Variants in SGCZ observed in about 807,000 individuals in gnomAD.
The protein encoded by SGCZ is sarcoglycan zeta, also known as zeta-sarcoglycan.
A neutral mutation model predicts 41.3 loss-of-function variants in SGCZ; 40 were observed. That is an observed-to-expected ratio of 0.97 (90% CI 0.75 to 1.26). The LOEUF (loss-of-function observed/expected upper bound fraction) is 1.26. Ranked by LOEUF, SGCZ falls within the 50% of genes most tolerant of loss-of-function variation. The probability of loss-of-function intolerance (pLI) is 0.00; values close to 1 mark genes in which losing one functional copy is unlikely to be tolerated. For missense variants in SGCZ, 552 were observed against 369.8 expected, an observed-to-expected ratio of 1.49 and a Z score of -4.04; for synonymous variants, 206 against 137.5, an observed-to-expected ratio of 1.50 and a Z score of -3.49.
intron 1 of SGCZ, among the ~76,000 whole-genome samples, chr8:14,806,548 G>C (rs865775951): frequency 6.6e-6 from 1 of 152,162 alleles, no homozygotes; most frequent in Non-Finnish European, 1.5e-5. Context: ...TTGAATCTCT[G>C]AATAGACCAA....
intron 2 of SGCZ, among the ~76,000 whole-genome samples, chr8:14,434,638 G>A (rs904569133): frequency 6.6e-6 from 1 of 152,128 alleles, no homozygotes. Flanking sequence ...CATCTATGAT[G>A]TCTTTCAGCA....
At chr8:15,026,818 C>T (rs1469282621) in intron 1 of SGCZ, among the ~76,000 whole-genome samples, 1 of 152,146 alleles carries the variant, frequency 6.6e-6, no homozygotes, top group Non-Finnish European at 1.5e-5. Context: ...GAAAGCCCAA[C>T]AGTAGATTTC....
At chr8:14,283,464 T>A (rs887180760) in intron 3 of SGCZ, among the ~76,000 whole-genome samples, 1 of 152,234 alleles carries the variant, frequency 6.6e-6, no homozygotes. Flanking sequence ...ATTATCCGTA[T>A]GTGCTCTCGA....
chr8:14,960,397 C>A (rs1800926613), intron 1 of SGCZ, among the ~76,000 whole-genome samples: 2 of 151,998 alleles, frequency 1.3e-5, no homozygotes, highest in Admixed American at 6.6e-5. Context: ...CAAAACAACA[C>A]TTCTGAGAGT....
chr8:14,169,035 C>G (rs1253720076), intron 4 of SGCZ, among the ~76,000 whole-genome samples: 3 of 152,214 alleles, frequency 2.0e-5, no homozygotes, highest in Non-Finnish European at 4.4e-5. Context: ...GTAATGCACT[C>G]TAGAGTTAGG....
intron 1 of SGCZ, among the ~76,000 whole-genome samples, chr8:14,678,447 A>T (rs1380081713): frequency 1.3e-5 from 2 of 152,202 alleles, no homozygotes; most frequent in African/African-American, 2.4e-5. Context: ...GCTCCACATT[A>T]TATATCATCA....
At chr8:14,566,398 C>A (rs1804360827) in intron 1 of SGCZ, among the ~76,000 whole-genome samples, 1 of 148,532 alleles carries the variant, frequency 6.7e-6, no homozygotes, top group South Asian at 2.1e-4. Context: ...GTGGGTAGAT[C>A]TCTCCATCCC....
At chr8:14,321,083 C>T (rs754299199) in intron 3 of SGCZ, among the ~76,000 whole-genome samples, 11 of 152,022 alleles carry the variant, frequency 7.2e-5, no homozygotes, top group Non-Finnish European at 1.6e-4. Flanking sequence ...AAAAGAGATG[C>T]AGAATGTTAT....
At position 14,096,261 on chromosome 8, in the gene SGCZ, T is replaced by G. The variant is rs191271665; in HGVS notation, c.745-5624A>C. 2.0e-5 allele frequency among the ~76,000 whole-genome samples: 3 copies of G among 152,316 alleles called. 1 individual carries two copies. Among genetic ancestry groups the G allele is most frequent in the Non-Finnish European group, 2.9e-5 (2 of 68,036 alleles). The stretch of plus-strand genomic sequence containing the variant: ...GGTTTGCCATAAATTGCTCATATTA[T>G]TTTGAGATACATCCCATCAATATGT... On this transcript the variant is annotated intron_variant, in intron 7 of 7. Coordinates refer to ENST00000382080, the MANE Select transcript of SGCZ (RefSeq NM_139167.4).
At chr8:14,257,752 G>A (rs901812658) in intron 3 of SGCZ, among the ~76,000 whole-genome samples, 4 of 151,748 alleles carry the variant, frequency 2.6e-5, no homozygotes, top group Admixed American at 1.3e-4. Context: ...TTGTCCTTGC[G>A]ATAGTTTGCT....
At chr8:14,242,207 A>G (rs1413618129) in intron 3 of SGCZ, among the ~76,000 whole-genome samples, 3 of 152,230 alleles carry the variant, frequency 2.0e-5, no homozygotes, top group East Asian at 3.8e-4. Flanking sequence ...GTAAGGATTT[A>G]GCTTCAGATG....
rs564833827 is a variant in SGCZ, at chr8:14,454,497, G to A, written c.234+100235C>T. On this transcript the variant is annotated intron_variant, in intron 2 of 7. Coordinates refer to ENST00000382080, the MANE Select transcript of SGCZ (RefSeq NM_139167.4). ...ACATTTAATTCATTTAATGAATTAA[G>A]ACCAATACCAGTAAAATACCAATAA... Among the ~76,000 whole-genome samples the A allele has an allele frequency of 2.0e-5, 3 of 152,072 alleles. No individual in the cohort carries two copies. The East Asian group carries it at 5.8e-4, about 29-fold the overall frequency.
intron 2 of SGCZ, among the ~76,000 whole-genome samples, chr8:14,326,827 T>G (rs1290691411): frequency 1.3e-5 from 2 of 152,134 alleles, no homozygotes; most frequent in African/African-American, 2.4e-5. Flanking sequence ...GATTTAGACA[T>G]TCAATTACAT....
At chr8:14,330,672 A>G (rs560462774) in intron 2 of SGCZ, among the ~76,000 whole-genome samples, 3 of 152,026 alleles carry the variant, frequency 2.0e-5, no homozygotes, top group Non-Finnish European at 2.9e-5. Context: ...GAACTTTGCA[A>G]TGATCTCATG....
chr8:14,761,424 C>T (rs993443917), intron 1 of SGCZ, among the ~76,000 whole-genome samples: 1 of 151,826 alleles, frequency 6.6e-6, no homozygotes, highest in African/African-American at 2.4e-5. Flanking sequence ...ACAAAGCAGT[C>T]TTCCTCAAAC....
At chr8:14,508,630 C>A (rs17119509) in intron 2 of SGCZ, among the ~76,000 whole-genome samples, 1 of 152,070 alleles carries the variant, frequency 6.6e-6, no homozygotes, top group Non-Finnish European at 1.5e-5. Flanking sequence ...CTTTCCCCAT[C>A]GGTGGCATTC....
At chr8:14,928,797 T>C (rs1456239879) in intron 1 of SGCZ, among the ~76,000 whole-genome samples, 1 of 152,162 alleles carries the variant, frequency 6.6e-6, no homozygotes, top group Non-Finnish European at 1.5e-5. Context: ...TTTGCGTATG[T>C]AATTTTTCTG....
At chr8:14,909,832 C>CCAACAACTCTCCCATCT (rs1799231622) in intron 1 of SGCZ, among the ~76,000 whole-genome samples, 1 of 151,882 alleles carries the variant, frequency 6.6e-6, no homozygotes, top group Admixed American at 6.6e-5. Context: ...TTCTGTCATC[C>CCAACAACTCTCCCATCT]AGAAACCAAC....
At chr8:14,795,513 C>G (rs1441935) in intron 1 of SGCZ, among the ~76,000 whole-genome samples, 107,330 of 151,548 alleles carry the variant, frequency 0.71, 39,081 homozygotes, top group African/African-American at 0.89. Flanking sequence ...TGAAGTCATA[C>G]CTTACTGCAG....
Sources: gnomAD v4.1 joint callset for allele counts (sites outside exome capture counted in the v4.1 genomes callset) on GRCh38, gnomAD v4.1.1 for gene constraint, MANE v1.5 for transcripts, NCBI Gene and HGNC (gene_info 2026-07-23, HGNC 2026-07-21) for gene names.